The following HSD17B12 variants were observed in gnomAD, a reference collection of about 807,000 sequenced individuals.
The protein encoded by HSD17B12 is hydroxysteroid 17-beta dehydrogenase 12, also known as very-long-chain 3-oxoacyl-CoA reductase.
A neutral mutation model predicts 39.3 loss-of-function variants in HSD17B12; 32 were observed. The observed-to-expected ratio is 0.81, with a 90% CI of 0.61 to 1.09. HSD17B12 has a LOEUF of 1.09. HSD17B12 is among the 50% of genes least tolerant of loss of function. HSD17B12 has a pLI of 0.00. For synonymous variants in HSD17B12, 150 were observed against 146.7 expected (o/e 1.02, Z -0.16); for missense variants, 342 against 382.9 (o/e 0.89, Z 0.89).
the HSD17B12 span, among the ~76,000 whole-genome samples, chr11:43,641,699 G>C: frequency 6.6e-6 from 1 of 152,016 alleles, no homozygotes; most frequent in Non-Finnish European, 1.5e-5. Context: ...ATAAGAAAAG[G>C]AGACAGACTA....
chr11:43,839,581 C>T (rs936095612), intron 8 of HSD17B12, among the ~76,000 whole-genome samples: 2 of 152,136 alleles, frequency 1.3e-5, no homozygotes, highest in Admixed American at 1.3e-4. Flanking sequence ...GATGCTTGTT[C>T]TGTTCTTTTT....
the HSD17B12 span, among the ~76,000 whole-genome samples, chr11:43,639,348 T>G: frequency 1.3e-5 from 2 of 152,172 alleles, no homozygotes; most frequent in African/African-American, 4.8e-5. Context: ...GAATACTATC[T>G]TAGTTTAGGT....
At chr11:43,661,438 A>G in the HSD17B12 span, among the ~76,000 whole-genome samples, 1 of 152,222 alleles carries the variant, frequency 6.6e-6, no homozygotes, top group Non-Finnish European at 1.5e-5. Flanking sequence ...GGACTAAGAA[A>G]GTCCTTGATA....
intron 1 of HSD17B12, among the ~76,000 whole-genome samples, chr11:43,711,281 T>TA (rs1950062862): frequency 1.3e-5 from 2 of 152,186 alleles, no homozygotes; most frequent in Admixed American, 1.3e-4. Flanking sequence ...ACTGGATTAG[T>TA]GTATCATTTT....
the HSD17B12 span, among the ~76,000 whole-genome samples, chr11:43,598,908 G>C: frequency 6.6e-6 from 1 of 152,188 alleles, no homozygotes; most frequent in Non-Finnish European, 1.5e-5. Context: ...GTGTGTGTAT[G>C]TCAGAGAAGC....
chr11:43,612,631 C>T, the HSD17B12 span, among the ~76,000 whole-genome samples: 1,603 of 152,284 alleles, frequency 0.011, 12 homozygotes, highest in Non-Finnish European at 0.015. Flanking sequence ...GTCTCTAACT[C>T]CTGAGCTCAG....
intron 1 of HSD17B12, among the ~76,000 whole-genome samples, chr11:43,707,105 T>A (rs1164513800): frequency 6.6e-6 from 1 of 152,200 alleles, no homozygotes; most frequent in Non-Finnish European, 1.5e-5. Flanking sequence ...ACCCCATAGT[T>A]ATTCTTTTAT....
At chr11:43,714,783 A>G (rs544444280) in intron 1 of HSD17B12, among the ~76,000 whole-genome samples, 4 of 152,234 alleles carry the variant, frequency 2.6e-5, no homozygotes, top group South Asian at 2.1e-4. Flanking sequence ...ATTTGTTTGT[A>G]TCCTCTTTTA....
the HSD17B12 span, among the ~76,000 whole-genome samples, chr11:43,652,648 T>C: frequency 6.6e-6 from 1 of 151,944 alleles, no homozygotes; most frequent in African/African-American, 2.4e-5. Flanking sequence ...AGAACATGTA[T>C]GCTGGTTTAA....
At chr11:43,563,235 C>G in the HSD17B12 span, among the ~76,000 whole-genome samples, 1 of 152,170 alleles carries the variant, frequency 6.6e-6, no homozygotes, top group Non-Finnish European at 1.5e-5. Flanking sequence ...CCAGTGATAA[C>G]TAAAACATGG....
At chr11:43,751,782 C>T (rs192712512) in intron 2 of HSD17B12, among the ~76,000 whole-genome samples, 6 of 152,206 alleles carry the variant, frequency 3.9e-5, no homozygotes, top group Non-Finnish European at 5.9e-5. Context: ...TTAATTATTT[C>T]GCTGGACCAT....
rs1951409407 is a variant in HSD17B12, at chr11:43,839,989, C to T, written c.619-10C>T. 6.2e-7 allele frequency: 1 copy of T among 1,610,378 alleles called. No homozygotes were observed. Among genetic ancestry groups the T allele is most frequent in the East Asian group, 2.2e-5 (1 of 44,786 alleles). ...TGTGTGTTTTCTTCTCACTCCCACT[C>T]CCCTCCCAGACTTTTGTAGATTTCT... On this transcript the variant is annotated splice_polypyrimidine_tract_variant and intron_variant, in intron 8 of 10. Coordinates refer to ENST00000278353, the MANE Select transcript of HSD17B12 (RefSeq NM_016142.3).
At chr11:43,792,284 CT>C (rs1292908765) in intron 3 of HSD17B12, among the ~76,000 whole-genome samples, 1 of 152,106 alleles carries the variant, frequency 6.6e-6, no homozygotes, top group Non-Finnish European at 1.5e-5. Flanking sequence ...TGTCTTGCAT[CT>C]TTTAAATCTC....
At chr11:43,611,116 T>C in the HSD17B12 span, among the ~76,000 whole-genome samples, 11 of 152,332 alleles carry the variant, frequency 7.2e-5, no homozygotes, top group South Asian at 2.3e-3. Context: ...ATCCAGCCTG[T>C]TTTCTTCCTG....
chr11:43,789,550 A>C (rs902271842), intron 3 of HSD17B12, among the ~76,000 whole-genome samples: 2 of 152,150 alleles, frequency 1.3e-5, no homozygotes, highest in African/African-American at 4.8e-5. Context: ...TAGAATGGGA[A>C]ATCTTTTTGT....
At chr11:43,764,799 A>T (rs933276216) in intron 3 of HSD17B12, among the ~76,000 whole-genome samples, 6 of 152,086 alleles carry the variant, frequency 3.9e-5, no homozygotes, top group African/African-American at 1.4e-4. Context: ...TAAGTGCTTT[A>T]TATTTTAAAT....
At chr11:43,582,504 C>T in the HSD17B12 span, among the ~76,000 whole-genome samples, 1 of 152,180 alleles carries the variant, frequency 6.6e-6, no homozygotes, top group Non-Finnish European at 1.5e-5. Context: ...GGGACTGGGC[C>T]AGAAGGACAC....
intron 3 of HSD17B12, among the ~76,000 whole-genome samples, chr11:43,775,310 G>A (rs1950689304): frequency 6.6e-6 from 1 of 152,142 alleles, no homozygotes; most frequent in Non-Finnish European, 1.5e-5. Flanking sequence ...AAACAGCCAA[G>A]TTCTGTGGTA....
chr11:43,573,309 C>T, the HSD17B12 span, among the ~76,000 whole-genome samples: 42 of 152,306 alleles, frequency 2.8e-4, no homozygotes, highest in African/African-American at 9.6e-4. Flanking sequence ...CAGACATCCT[C>T]CAAAGGACCT....
Sources: gnomAD v4.1 joint callset for allele counts (sites outside exome capture counted in the v4.1 genomes callset) on GRCh38, gnomAD v4.1.1 for gene constraint, MANE v1.5 for transcripts, NCBI Gene and HGNC (gene_info 2026-07-23, HGNC 2026-07-21) for gene names.